Variants in CTSO observed in about 807,000 individuals in gnomAD.
CTSO encodes the protein cathepsin O.
In CTSO, 40 loss-of-function variants were observed where a neutral mutation model predicts 42.4. That is an observed-to-expected ratio of 0.94 (90% confidence interval 0.73 to 1.23). The LOEUF is 1.23. Among genes scored for constraint, CTSO ranks in the 50% most tolerant of loss-of-function variants. The probability of loss-of-function intolerance (pLI) is 0.00; values close to 1 mark genes in which losing one functional copy is unlikely to be tolerated. For synonymous variants in CTSO, 156 were observed against 146.2 expected, an observed-to-expected ratio of 1.07 and a Z score of -0.48; for missense variants, 441 against 396.0, an observed-to-expected ratio of 1.11 and a Z score of -0.96.
chr4:155,935,504 C>T (rs1362415172), intron 5 of CTSO, among the ~76,000 whole-genome samples: 1 of 152,000 alleles, frequency 6.6e-6, no homozygotes, highest in Non-Finnish European at 1.5e-5. Context: ...TGGTTAAGTC[C>T]ACGCACTTCT....
intron 5 of CTSO, 59 bp downstream of exon 5, chr4:155,937,303 G>T: frequency 7.1e-7 from 1 of 1,404,582 alleles, no homozygotes; most frequent in Non-Finnish European, 9.9e-7. Flanking sequence ...TTATTAACCA[G>T]TCAATAGATC....
intron 3 of CTSO, among the ~76,000 whole-genome samples, chr4:155,940,085 C>G (rs1270118629): frequency 6.6e-6 from 1 of 152,058 alleles, no homozygotes; most frequent in Admixed American, 6.5e-5. Context: ...TATAAAGATG[C>G]CCGATTAAGT....
intron 5 of CTSO, among the ~76,000 whole-genome samples, chr4:155,929,977 A>C (rs1743207266): frequency 6.6e-6 from 1 of 152,180 alleles, no homozygotes; most frequent in Non-Finnish European, 1.5e-5. Context: ...CTGGGACTCC[A>C]GCCATTTAAC....
intron 1 of CTSO, among the ~76,000 whole-genome samples, chr4:155,945,580 A>C (rs1475093511): frequency 6.6e-6 from 1 of 152,194 alleles, no homozygotes; most frequent in African/African-American, 2.4e-5. Context: ...ACTTTATACA[A>C]TGAAGAAAGA....
At chr4:155,949,245 C>A (rs1298211675) in intron 1 of CTSO, among the ~76,000 whole-genome samples, 3 of 152,208 alleles carry the variant, frequency 2.0e-5, no homozygotes. Flanking sequence ...TAAGATCACA[C>A]AACTAGTATT....
chr4:155,926,944 C>T (rs896353297), intron 7 of CTSO, among the ~76,000 whole-genome samples: 7 of 152,128 alleles, frequency 4.6e-5, no homozygotes, highest in Non-Finnish European at 7.3e-5. Flanking sequence ...CTGCTGCAGT[C>T]GGACATAATA....
rs868806168 is a variant in CTSO at position 155,932,184 on chromosome 4, T to C, written c.675-2479A>G. The stretch of plus-strand genomic sequence containing the variant: ...CATTTTGCTTTAAAATTAGGTTATG[T>C]TTTTATATTTTAGATGATTTTTTTC... On this transcript the variant is annotated intron_variant, in intron 5 of 7. Transcript: ENST00000433477. 3.9e-5 allele frequency among the ~76,000 whole-genome samples: 6 copies of C among 152,112 alleles called. No individual in the cohort carries two copies. In the South Asian group the frequency reaches 1.0e-3, roughly 26 times the overall value.
At chr4:155,952,380 A>G (rs1225561517) in intron 1 of CTSO, among the ~76,000 whole-genome samples, 1 of 152,186 alleles carries the variant, frequency 6.6e-6, no homozygotes, top group Non-Finnish European at 1.5e-5. Context: ...AAATATATTT[A>G]TAAGTCTAGC....
intron 5 of CTSO, 100 bp from the exon 6 acceptor site, chr4:155,929,805 C>A: frequency 8.6e-7 from 1 of 1,168,088 alleles, no homozygotes; most frequent in Non-Finnish European, 1.2e-6. Flanking sequence ...GGTTTGGTTG[C>A]AGTTACAAAG....
chr4:155,926,483 G>A (rs1205927751), intron 7 of CTSO, among the ~76,000 whole-genome samples: 2 of 152,070 alleles, frequency 1.3e-5, no homozygotes, highest in Non-Finnish European at 1.5e-5. Context: ...AATAAATCAC[G>A]AGTGTGCTAT....
chr4:155,939,384 T>G lies in CTSO; in HGVS notation c.539A>C (p.Asn180Thr), dbSNP rs765459427. ...GAGACTAGTCACCTTGTTTAACCAG[T>G]TCAAAGCATTGAGAGTAGAGCCTCC... ...CNGGSTLNAL[N>T]WLNKMQVKLV... Residue 180 changes from asparagine (N) to threonine (T), a missense_variant, in exon 4 of 8, where the codon AAC (asparagine) becomes ACC (threonine). By Grantham distance (65) the Asn-to-Thr change is moderately conservative. Transcript: ENST00000433477. The G allele has an allele frequency of 1.2e-6, 2 of 1,612,308 alleles. No homozygotes were observed. The highest frequency in any genetic ancestry group is 2.2e-5 in the South Asian group (2 of 90,840).
At chr4:155,926,952 A>G (rs1297510894) in intron 7 of CTSO, among the ~76,000 whole-genome samples, 1 of 152,180 alleles carries the variant, frequency 6.6e-6, no homozygotes, top group East Asian at 1.9e-4. Context: ...GTCGGACATA[A>G]TATATGTTCA....
chr4:155,953,632 G>A (rs1041870553), intron 1 of CTSO, 81 bp downstream of exon 1: 4 of 1,226,308 alleles, frequency 3.3e-6, no homozygotes, highest in African/African-American at 1.6e-5. Context: ...GTCAGCTCTC[G>A]GGGGCCCTCT....
At chr4:155,950,920 G>T (rs1246791892) in intron 1 of CTSO, among the ~76,000 whole-genome samples, 1 of 151,788 alleles carries the variant, frequency 6.6e-6, no homozygotes, top group Non-Finnish European at 1.5e-5. Context: ...AAAAGTTTGG[G>T]GACCACTGAG....
At chr4:155,926,622 G>C (rs1481076247) in intron 7 of CTSO, among the ~76,000 whole-genome samples, 1 of 152,148 alleles carries the variant, frequency 6.6e-6, no homozygotes, top group Non-Finnish European at 1.5e-5. Context: ...AATACTATCT[G>C]CCTTATGCCA....
At chr4:155,952,809 TACTCA>T (rs1337284880) in intron 1 of CTSO, among the ~76,000 whole-genome samples, 2 of 152,192 alleles carry the variant, frequency 1.3e-5, no homozygotes, top group Admixed American at 1.3e-4. Context: ...TGAGCAATAT[TACTCA>T]ACTCAGACTT....
intron 7 of CTSO, 48 bp downstream of exon 7, chr4:155,928,288 T>G: frequency 7.6e-7 from 1 of 1,322,416 alleles, no homozygotes. Flanking sequence ...ATTCAAATAA[T>G]CTCCTTAATA....
chr4:155,942,187 T>A, intron 3 of CTSO, 130 bp downstream of exon 3: 1 of 704,150 alleles, frequency 1.4e-6, no homozygotes, highest in Non-Finnish European at 2.1e-6. Flanking sequence ...CTTTTCATTG[T>A]CATTTTTGGA....
intron 3 of CTSO, among the ~76,000 whole-genome samples, chr4:155,940,499 C>T (rs34051982): frequency 0.095 from 14,513 of 152,110 alleles, 820 homozygotes; most frequent in Middle Eastern, 0.24. Context: ...ATCTCTAGTG[C>T]CTATGGCATA....
Sources: gnomAD v4.1 joint callset for allele counts (sites outside exome capture counted in the v4.1 genomes callset) on GRCh38, gnomAD v4.1.1 for gene constraint, MANE v1.5 for transcripts, NCBI Gene and HGNC (gene_info 2026-07-23, HGNC 2026-07-21) for gene names.